SHC3: variants seen among roughly 807,000 people sequenced by gnomAD.
SHC3 encodes the protein SHC-transforming protein 3.
A neutral mutation model predicts 60.4 loss-of-function variants in SHC3; 15 were observed. That is an observed-to-expected ratio of 0.25 (90% confidence interval 0.17 to 0.38). The LOEUF is 0.38. Among genes scored for constraint, SHC3 ranks in the 10% least tolerant of loss-of-function variants. The probability of loss-of-function intolerance (pLI) is 1.00; values close to 1 mark genes in which losing one functional copy is unlikely to be tolerated. For synonymous variants in SHC3, 294 were observed against 325.9 expected, an observed-to-expected ratio of 0.90 and a Z score of 1.05; for missense variants, 677 against 786.1, an observed-to-expected ratio of 0.86 and a Z score of 1.66.
chr9:89,116,182 G>A lies in SHC3; in HGVS notation c.475-3556C>T, dbSNP rs148384356. Among the ~76,000 whole-genome samples the A allele has an allele frequency of 1.8e-3, 268 of 152,258 alleles. 1 individual carries two copies. Among genetic ancestry groups the A allele is most frequent in the Middle Eastern group, 3.4e-3 (1 of 294 alleles). On this transcript the variant is annotated intron_variant, in intron 1 of 11. Transcript: ENST00000375835. The stretch of plus-strand genomic sequence containing the variant: ...CCATCAACTCCAATATTGCAGTCAT[G>A]TAAATACCACAACCATGAGTGGAGA...
chr9:89,055,789 C>T (rs1824939141), intron 6 of SHC3, among the ~76,000 whole-genome samples: 1 of 152,252 alleles, frequency 6.6e-6, no homozygotes, highest in South Asian at 2.1e-4. Flanking sequence ...AATCCCTTCT[C>T]TAAGTCACAG....
intron 2 of SHC3, among the ~76,000 whole-genome samples, chr9:89,110,846 A>T (rs1825936558): frequency 6.6e-6 from 1 of 152,222 alleles, no homozygotes; most frequent in Non-Finnish European, 1.5e-5. Flanking sequence ...GAAAGACATC[A>T]AAACCTCCAA....
At chr9:89,041,913 A>G (rs1824693282) in intron 10 of SHC3, 113 bp downstream of exon 10, 2 of 1,377,208 alleles carry the variant, frequency 1.5e-6, no homozygotes, top group South Asian at 2.6e-5. Flanking sequence ...AATCATCACC[A>G]TTAACCAAAA....
chr9:89,110,811 A>G lies in SHC3; in HGVS notation c.545+1745T>C, dbSNP rs145511048. ...CCCATTATGCTGCTTCACCTTCCCA[A>G]AAATCTAAATGGAATGGGATTGAAG... On this transcript the variant is annotated intron_variant, in intron 2 of 11. Transcript: ENST00000375835. 3.3e-5 allele frequency among the ~76,000 whole-genome samples: 5 copies of G among 152,286 alleles called. No individual in the cohort carries two copies. In the East Asian group the frequency reaches 9.6e-4, roughly 29 times the overall value.
chr9:89,156,799 C>T (rs1386100103), intron 1 of SHC3, among the ~76,000 whole-genome samples: 2 of 152,144 alleles, frequency 1.3e-5, no homozygotes, highest in Non-Finnish European at 2.9e-5. Context: ...AAGGTCATGC[C>T]TATGAACCAG....
Position 89,149,519 on chromosome 9 carries a change from G to A in SHC3, c.474+28468C>T, listed in dbSNP as rs150360554. Among the ~76,000 whole-genome samples, 194 of 152,234 alleles carry A rather than the reference G, an allele frequency of 1.3e-3. 2 individuals are homozygous for A. Among genetic ancestry groups the A allele is most frequent in the East Asian group, 0.012 (61 of 5,182 alleles). On this transcript the variant is annotated intron_variant, in intron 1 of 11. Transcript: ENST00000375835. ...TAAGACCTTTTCACACTAGGATCCT[G>A]TCGTCTAAAGTCTTTTTTCCTCCCC...
At chr9:89,023,477 T>C (rs1180137785) in intron 11 of SHC3, among the ~76,000 whole-genome samples, 1 of 152,198 alleles carries the variant, frequency 6.6e-6, no homozygotes, top group Non-Finnish European at 1.5e-5. Flanking sequence ...CATATTCTGA[T>C]TTCCCAAATC....
At chr9:89,015,804 T>A (rs934198739) in intron 11 of SHC3, among the ~76,000 whole-genome samples, 4 of 152,158 alleles carry the variant, frequency 2.6e-5, no homozygotes, top group African/African-American at 9.7e-5. Flanking sequence ...CCCAGACAAC[T>A]GGTTGAGGCT....
At chr9:89,105,423 C>T (rs1476032391) in intron 2 of SHC3, among the ~76,000 whole-genome samples, 2 of 152,182 alleles carry the variant, frequency 1.3e-5, no homozygotes, top group African/African-American at 4.8e-5. Flanking sequence ...AAAGACCACA[C>T]ACACCCTCAT....
intron 6 of SHC3, among the ~76,000 whole-genome samples, chr9:89,058,399 AG>A (rs1824992119): frequency 7.2e-6 from 1 of 137,996 alleles, no homozygotes; most frequent in East Asian, 2.2e-4. Flanking sequence ...GGTGGAGGAC[AG>A]TGGTGGAGGA....
intron 6 of SHC3, among the ~76,000 whole-genome samples, chr9:89,061,921 T>C (rs1262229142): frequency 6.6e-6 from 1 of 152,162 alleles, no homozygotes; most frequent in African/African-American, 2.4e-5. Flanking sequence ...CTATTTGTGG[T>C]TCCAGGCATC....
At chr9:89,159,115 T>C (rs1164962410) in intron 1 of SHC3, among the ~76,000 whole-genome samples, 1 of 150,642 alleles carries the variant, frequency 6.6e-6, no homozygotes, top group Non-Finnish European at 1.5e-5. Context: ...TAGGTCATAA[T>C]AAGCCATAAA....
intron 2 of SHC3, among the ~76,000 whole-genome samples, chr9:89,100,517 C>A (rs1283183520): frequency 1.3e-5 from 2 of 152,156 alleles, no homozygotes; most frequent in Non-Finnish European, 2.9e-5. Flanking sequence ...AGCTACCATG[C>A]CCATCCTTAG....
intron 2 of SHC3, among the ~76,000 whole-genome samples, chr9:89,104,792 A>T (rs1252354326): frequency 8.2e-6 from 1 of 122,118 alleles, no homozygotes; most frequent in South Asian, 2.8e-4. Flanking sequence ...ACCCCATCCC[A>T]CCCTTCATTT....
chr9:89,077,184 C>CA (rs113802144), intron 3 of SHC3, among the ~76,000 whole-genome samples: 8,264 of 132,046 alleles, frequency 0.063, 289 homozygotes, highest in Middle Eastern at 0.14. Flanking sequence ...CTCAAAAAAA[C>CA]AAAAAAAAAA....
At chr9:89,121,661 G>A (rs1253566090) in intron 1 of SHC3, among the ~76,000 whole-genome samples, 1 of 152,180 alleles carries the variant, frequency 6.6e-6, no homozygotes, top group Non-Finnish European at 1.5e-5. Context: ...CACTAGTGTA[G>A]AGTCAAATTT....
intron 9 of SHC3, 34 bp from the exon 10 acceptor site, chr9:89,042,218 G>A (rs773494729): frequency 1.5e-5 from 22 of 1,490,712 alleles, no homozygotes; most frequent in Non-Finnish European, 2.0e-5. Context: ...TTTCTTTTAC[G>A]ATGGTGACAC....
At chr9:89,075,013 G>T in intron 4 of SHC3, 96 bp downstream of exon 4, 1 of 1,469,398 alleles carries the variant, frequency 6.8e-7, no homozygotes, top group South Asian at 1.5e-5. Context: ...CACAAAATAT[G>T]CTATGTGAGC....
In SHC3 at chr9:89,042,136, G is replaced by A. The variant is rs770916298; in HGVS notation, c.1250C>T (p.Pro417Leu). The change falls in exon 10 of 12, where the codon CCC (proline) becomes CTC (leucine). Residue 417 changes from proline (P) to leucine (L), a missense_variant. Transcript: ENST00000375835. ...GACGTAGGTGGGTGCTTCTCCCGTG[G>A]GGGCCACGTGCAGTTTCCCTTCTGG... The part of the protein sequence containing the change: ...STPEGKLHVA[P>L]TGEAPTYVNT... 7.7e-6 allele frequency: 12 copies of A among 1,565,314 alleles called. No homozygotes were observed. Among genetic ancestry groups the A allele is most frequent in the Non-Finnish European group, 1.0e-5 (12 of 1,163,260 alleles).
Sources: allele counts gnomAD v4.1 joint callset (sites outside exome capture counted in the v4.1 genomes callset), GRCh38; gene constraint gnomAD v4.1.1; transcripts MANE v1.5; gene names NCBI Gene and HGNC (gene_info 2026-07-23, HGNC 2026-07-21).